Variants in CNTN4 observed in about 807,000 individuals in gnomAD.
The protein encoded by CNTN4 is contactin-4.
Under a neutral mutation model 122.5 loss-of-function variants are expected in CNTN4, and 77 were observed. The ratio of observed to expected loss-of-function variants is 0.63; its 90% CI spans 0.52 to 0.76. The LOEUF is 0.76. Among genes scored for constraint, CNTN4 ranks in the 30% least tolerant of loss-of-function variants. The pLI, the probability that CNTN4 is intolerant of heterozygous loss-of-function variation, is 0.00. For missense variants in CNTN4, 1,256 were observed against 1,259.1 expected (o/e 1.00, Z 0.04); for synonymous variants, 512 against 447.0 (o/e 1.15, Z -1.83).
At chr3:2,959,948 A>G (rs1408982408) in intron 13 of CNTN4, among the ~76,000 whole-genome samples, 1 of 152,216 alleles carries the variant, frequency 6.6e-6, no homozygotes, top group African/African-American at 2.4e-5. Context: ...GACTCAGGTA[A>G]TATTTCCTGG....
At chr3:2,360,367 C>G (rs954455537) in intron 3 of CNTN4, among the ~76,000 whole-genome samples, 22 of 152,068 alleles carry the variant, frequency 1.4e-4, no homozygotes, top group African/African-American at 5.1e-4. Flanking sequence ...TTGCTCCCCC[C>G]ACCCCTTAAA....
intron 13 of CNTN4, among the ~76,000 whole-genome samples, chr3:2,949,463 C>T (rs1237761889): frequency 6.6e-6 from 1 of 152,206 alleles, no homozygotes; most frequent in African/African-American, 2.4e-5. Context: ...CCATTATTTG[C>T]ACCCTTCCTT....
At chr3:2,976,565 G>A (rs547373769) in intron 13 of CNTN4, among the ~76,000 whole-genome samples, 90 of 152,142 alleles carry the variant, frequency 5.9e-4, no homozygotes, top group African/African-American at 1.8e-3. Context: ...AAATTACCCC[G>A]GGAGGAGGTG....
Position 2,312,036 on chromosome 3 carries a change from C to T in CNTN4, c.-144-27142C>T, listed in dbSNP as rs1180019111. On this transcript the variant is annotated intron_variant, in intron 2 of 24. Coordinates refer to ENST00000418658, the MANE Select transcript of CNTN4 (RefSeq NM_175607.3). The stretch of plus-strand genomic sequence containing the variant: ...AAAAAGTGAGAGTTTTTTTTTGATA[C>T]GATAAAACTTTTTTTTAAGATAAAA... Among the ~76,000 whole-genome samples, 3 of 151,380 alleles carry T rather than the reference C, an allele frequency of 2.0e-5. 1 individual carries two copies. Among genetic ancestry groups the T allele is most frequent in the South Asian group, 2.1e-4 (1 of 4,810 alleles).
chr3:2,982,640 T>C (rs577004113), intron 13 of CNTN4, among the ~76,000 whole-genome samples: 5 of 152,190 alleles, frequency 3.3e-5, no homozygotes, highest in African/African-American at 1.2e-4. Context: ...CTCAAAGAGC[T>C]CCTGGTTTTG....
chr3:2,617,060 C>G (rs111437934), intron 4 of CNTN4, among the ~76,000 whole-genome samples: 7,898 of 152,180 alleles, frequency 0.052, 667 homozygotes, highest in African/African-American at 0.18. Flanking sequence ...CTGGGCAATA[C>G]CATTCAGGAC....
intron 4 of CNTN4, among the ~76,000 whole-genome samples, chr3:2,697,124 G>C (rs895296896): frequency 6.6e-6 from 1 of 152,164 alleles, no homozygotes; most frequent in East Asian, 1.9e-4. Context: ...CACAGTGTGT[G>C]TTGCCATGGG....
chr3:2,485,347 G>T (rs1278265605), intron 3 of CNTN4, among the ~76,000 whole-genome samples: 1 of 152,256 alleles, frequency 6.6e-6, no homozygotes, highest in Non-Finnish European at 1.5e-5. Context: ...CCCAGTGCAG[G>T]ATCCACTAGG....
chr3:2,107,082 A>G (rs563830694), intron 2 of CNTN4, among the ~76,000 whole-genome samples: 8 of 152,308 alleles, frequency 5.3e-5, no homozygotes, highest in Admixed American at 5.2e-4. Context: ...AGAGTTTCCC[A>G]CATCTTTCTT....
At chr3:2,543,264 G>A (rs1361505756) in intron 3 of CNTN4, among the ~76,000 whole-genome samples, 1 of 150,832 alleles carries the variant, frequency 6.6e-6, no homozygotes, top group African/African-American at 2.5e-5. Flanking sequence ...ATGCTTGAAA[G>A]AGTTACCAGG....
intron 7 of CNTN4, among the ~76,000 whole-genome samples, chr3:2,852,073 C>T (rs188631244): frequency 6.0e-4 from 91 of 152,234 alleles, no homozygotes; most frequent in African/African-American, 2.1e-3. Flanking sequence ...CCAGTTTCTT[C>T]CCAGATCTCA....
intron 16 of CNTN4, among the ~76,000 whole-genome samples, chr3:3,033,736 A>C (rs1699374922): frequency 6.6e-6 from 1 of 152,160 alleles, no homozygotes; most frequent in South Asian, 2.1e-4. Context: ...TCATGTTGGA[A>C]AGTGGGATAG....
chr3:2,708,727 TCACA>T (rs10530575), intron 4 of CNTN4, among the ~76,000 whole-genome samples: 9,865 of 150,910 alleles, frequency 0.065, 387 homozygotes, highest in South Asian at 0.12. Flanking sequence ...CACGCGCGCA[TCACA>T]CACACACACA....
At chr3:2,133,980 A>G (rs1217711606) in intron 2 of CNTN4, among the ~76,000 whole-genome samples, 2 of 152,140 alleles carry the variant, frequency 1.3e-5, no homozygotes, top group South Asian at 2.1e-4. Context: ...TCATTTCTCT[A>G]TTATGAAAGG....
At chr3:3,008,746 A>G (rs1331154017) in intron 14 of CNTN4, among the ~76,000 whole-genome samples, 1 of 152,230 alleles carries the variant, frequency 6.6e-6, no homozygotes, top group African/African-American at 2.4e-5. Context: ...AGAGGCAACT[A>G]GCTATAGCTT....
intron 14 of CNTN4, among the ~76,000 whole-genome samples, chr3:2,989,516 A>G (rs1577525426): frequency 6.6e-6 from 1 of 152,236 alleles, no homozygotes; most frequent in Non-Finnish European, 1.5e-5. Flanking sequence ...AAAGCTAAAA[A>G]TTACCTAATT....
intron 2 of CNTN4, among the ~76,000 whole-genome samples, chr3:2,308,485 AT>A (rs1205928566): frequency 1.3e-5 from 2 of 151,816 alleles, no homozygotes; most frequent in Non-Finnish European, 2.9e-5. Flanking sequence ...TAAGTTATTG[AT>A]TTTAAATTTT....
intron 7 of CNTN4, among the ~76,000 whole-genome samples, chr3:2,860,882 T>C (rs540075154): frequency 3.3e-5 from 5 of 152,340 alleles, no homozygotes; most frequent in East Asian, 1.9e-4. Flanking sequence ...GCTACCTGTT[T>C]ATTGTGCACA....
intron 13 of CNTN4, among the ~76,000 whole-genome samples, chr3:2,927,869 A>C (rs2094487751): frequency 1.3e-5 from 2 of 152,230 alleles, no homozygotes; most frequent in Admixed American, 1.3e-4. Flanking sequence ...TCAGCAGGCT[A>C]GTCCCAAACT....
Sources: gnomAD v4.1 joint callset for allele counts (sites outside exome capture counted in the v4.1 genomes callset) on GRCh38, gnomAD v4.1.1 for gene constraint, MANE v1.5 for transcripts, NCBI Gene and HGNC (gene_info 2026-07-23, HGNC 2026-07-21) for gene names.